Variants in CLOCK observed in about 807,000 individuals in gnomAD.
The protein encoded by CLOCK is circadian locomoter output cycles protein kaput.
Under a neutral mutation model 118.4 loss-of-function variants are expected in CLOCK, and 43 were observed. The observed-to-expected ratio is 0.36, with a 90% CI of 0.28 to 0.47. CLOCK has a LOEUF of 0.47. Among genes scored for constraint, CLOCK ranks in the 20% least tolerant of loss-of-function variants. The probability of loss-of-function intolerance (pLI) is 1.00; values close to 1 mark genes in which losing one functional copy is unlikely to be tolerated. For synonymous variants in CLOCK, 326 were observed against 339.2 expected (o/e 0.96, Z 0.43); for missense variants, 846 against 999.9 (o/e 0.85, Z 2.08).
chr4:55,482,068 T>C (rs1009255053), intron 4 of CLOCK, among the ~76,000 whole-genome samples: 3 of 152,172 alleles, frequency 2.0e-5, no homozygotes, highest in African/African-American at 7.2e-5. Context: ...TGCTAAAATG[T>C]AAAAAACAAA....
At chr4:55,527,319 C>T (rs976449512) in intron 1 of CLOCK, among the ~76,000 whole-genome samples, 92 of 152,142 alleles carry the variant, frequency 6.0e-4, no homozygotes, top group African/African-American at 2.1e-3. Flanking sequence ...GTGATGGGTA[C>T]ATAGGAGTTC....
At chr4:55,534,847 C>T (rs1577872205) in intron 1 of CLOCK, among the ~76,000 whole-genome samples, 1 of 152,068 alleles carries the variant, frequency 6.6e-6, no homozygotes, top group South Asian at 2.1e-4. Flanking sequence ...CTCAATGTTG[C>T]TATCAGTTTT....
In CLOCK at chr4:55,435,426, G is replaced by A; in HGVS notation, c.2530C>T (p.Gln844Ter). The A allele has an allele frequency of 6.2e-7, 1 of 1,613,924 alleles. No homozygotes were observed. The highest frequency in any genetic ancestry group is 8.5e-7 in the Non-Finnish European group (1 of 1,179,864). The change falls in exon 23 of 23, where the codon CAA becomes TAA. Residue 844 changes from glutamine to a stop codon, truncating the protein, a stop_gained. Coordinates refer to ENST00000513440, the MANE Select transcript of CLOCK (RefSeq NM_004898.4). LOFTEE classifies it high-confidence loss of function. Reference protein sequence around the residue: ...TDSLPDPSKVQPQ With the variant: ...TDSLPDPSKV ...AGGAAGCACGTGTGCTACTGTGGTT[G>A]AACCTTGGAAGGGTCGGGCAAGCTG...
intron 1 of CLOCK, among the ~76,000 whole-genome samples, chr4:55,511,469 CTAATT>C: frequency 6.6e-6 from 1 of 152,286 alleles, no homozygotes; most frequent in East Asian, 1.9e-4. Flanking sequence ...TTTAGCTTTT[CTAATT>C]TAATACCACT....
chr4:55,510,524 G>T (rs3828482), intron 1 of CLOCK, among the ~76,000 whole-genome samples: 51,215 of 151,526 alleles, frequency 0.34, 9,329 homozygotes, highest in East Asian at 0.58. Flanking sequence ...CTACTAGGGA[G>T]GCTGAGGCAG....
chr4:55,542,384 ATTAT>A (rs1731336981), intron 1 of CLOCK, among the ~76,000 whole-genome samples: 22 of 40,516 alleles, frequency 5.4e-4, no homozygotes, highest in African/African-American at 1.4e-3. Flanking sequence ...TAATAATATT[ATTAT>A]TATTATTATT....
chr4:55,497,198 G>C (rs2109974221), intron 2 of CLOCK, among the ~76,000 whole-genome samples: 1 of 152,232 alleles, frequency 6.6e-6, no homozygotes, highest in East Asian at 1.9e-4. Flanking sequence ...ATGTTTCCTT[G>C]CCTTTTCAAG....
intron 8 of CLOCK, 146 bp downstream of exon 8, chr4:55,470,571 T>G: frequency 1.6e-6 from 1 of 609,504 alleles, no homozygotes; most frequent in Middle Eastern, 2.6e-4. Flanking sequence ...AGAAAACACA[T>G]GCTGAAACAA....
At chr4:55,546,620 G>GCCCCCCACCCAC (rs1731655945) in intron 1 of CLOCK, 162 bp downstream of exon 1, 1 of 138,426 alleles carries the variant, frequency 7.2e-6, no homozygotes, top group African/African-American at 2.8e-5. Flanking sequence ...TGTGAGTGGC[G>GCCCCCCACCCAC]CCCCCCACCC....
intron 1 of CLOCK, among the ~76,000 whole-genome samples, chr4:55,531,640 G>A (rs976673085): frequency 1.4e-5 from 2 of 140,596 alleles, no homozygotes; most frequent in Admixed American, 7.6e-5. Context: ...AGGAGGCAGA[G>A]GTTGTAGTGA....
chr4:55,435,274 CAACT>C lies in CLOCK; in HGVS notation c.*137_*140del. On this transcript the variant is annotated 3_prime_UTR_variant, in exon 23 of 23. Transcript: ENST00000513440. ...TAGCACTAGGCAGCATTTTCTCTGC[CAACT>C]AATTCCAGGAACTAGAACACTCAAT... The C allele has an allele frequency of 1.0e-6, 1 of 991,812 alleles. No individual in the cohort carries two copies. Among genetic ancestry groups the C allele is most frequent in the Non-Finnish European group, 1.5e-6 (1 of 648,126 alleles). 61.4% of individuals were successfully genotyped at this position (991,812 alleles called of 1,614,324 possible). A position where few individuals can be genotyped will look rare whatever the true frequency, so the allele number is the denominator to read the frequency against.
chr4:55,479,542 A>C, intron 5 of CLOCK, 98 bp downstream of exon 5: 1 of 1,005,144 alleles, frequency 9.9e-7, no homozygotes. Context: ...AAACTCCTAA[A>C]GCACATAGCT....
chr4:55,472,126 A>G (rs1204499318), intron 7 of CLOCK, among the ~76,000 whole-genome samples: 2 of 152,178 alleles, frequency 1.3e-5, no homozygotes, highest in Non-Finnish European at 2.9e-5. Flanking sequence ...AAGACAGAAT[A>G]CACTGTCGTC....
At chr4:55,535,640 T>C (rs962126184) in intron 1 of CLOCK, among the ~76,000 whole-genome samples, 6 of 151,918 alleles carry the variant, frequency 3.9e-5, no homozygotes, top group African/African-American at 1.2e-4. Context: ...TAAGAACAAC[T>C]TAAAAAGCTA....
intron 1 of CLOCK, among the ~76,000 whole-genome samples, chr4:55,525,954 T>C (rs530114283): frequency 6.6e-6 from 1 of 151,840 alleles, no homozygotes; most frequent in East Asian, 1.9e-4. Flanking sequence ...AGGTTGAGTA[T>C]CCCTAATACA....
intron 2 of CLOCK, among the ~76,000 whole-genome samples, chr4:55,506,110 T>C (rs1339358237): frequency 6.6e-6 from 1 of 152,192 alleles, no homozygotes; most frequent in Non-Finnish European, 1.5e-5. Context: ...CCAAGACTTT[T>C]TCCCTCTTCC....
chr4:55,504,141 C>G (rs1343786715), intron 2 of CLOCK, among the ~76,000 whole-genome samples: 2 of 151,198 alleles, frequency 1.3e-5, no homozygotes, highest in Non-Finnish European at 2.9e-5. Flanking sequence ...AAAAAATTAG[C>G]TGGGTGTGGT....
rs1310907678 is a variant in CLOCK, at chr4:55,429,132, G to A, written c.*6283C>T. ...CAGCAGTGAACTTGCACTAGTCCAA[G>A]CCAACTCAAAAACACACATTATAAA... On this transcript the variant is annotated 3_prime_UTR_variant, in exon 23 of 23. Coordinates refer to ENST00000513440, the MANE Select transcript of CLOCK (RefSeq NM_004898.4). The A allele has an allele frequency of 6.6e-6, 1 of 151,998 alleles. No homozygotes were observed. The highest frequency in any genetic ancestry group is 2.4e-5 in the African/African-American group (1 of 41,396). The allele number at this position is 151,998 out of a possible 1,614,324, so 9.4% of individuals were successfully genotyped here. A position where few individuals can be genotyped will look rare whatever the true frequency, so the allele number is the denominator to read the frequency against.
chr4:55,506,587 T>C (rs1202734206), intron 2 of CLOCK, among the ~76,000 whole-genome samples: 2 of 152,104 alleles, frequency 1.3e-5, no homozygotes, highest in African/African-American at 4.8e-5. Context: ...TTTTTAATTT[T>C]TTTTGAGATG....
Sources: allele counts gnomAD v4.1 joint callset (sites outside exome capture counted in the v4.1 genomes callset), GRCh38; gene constraint gnomAD v4.1.1; transcripts MANE v1.5; gene names NCBI Gene and HGNC (gene_info 2026-07-23, HGNC 2026-07-21).